RYR3: variants seen among roughly 807,000 people sequenced by gnomAD.
RYR3 encodes the protein ryanodine receptor 3.
In RYR3, 207 loss-of-function variants were observed where a neutral mutation model predicts 584.3. That is an observed-to-expected ratio of 0.35 (90% CI 0.32 to 0.40). The LOEUF (loss-of-function observed/expected upper bound fraction) is 0.40. Among genes scored for constraint, RYR3 ranks in the 10% least tolerant of loss-of-function variants. The pLI is 1.00. For missense variants in RYR3, 5,616 were observed against 6,089.2 expected (o/e 0.92, Z 2.59); for synonymous variants, 2,416 against 2,248.5 (o/e 1.07, Z -2.11).
intron 1 of RYR3, among the ~76,000 whole-genome samples, chr15:33,331,307 A>C (rs1386476517): frequency 6.6e-6 from 1 of 151,900 alleles, no homozygotes; most frequent in East Asian, 1.9e-4. Flanking sequence ...ATAGTTAAGA[A>C]GGCAAAAAAA....
At chr15:33,474,509 T>G (rs1269705882) in intron 2 of RYR3, among the ~76,000 whole-genome samples, 1 of 152,154 alleles carries the variant, frequency 6.6e-6, no homozygotes. Flanking sequence ...ATACCAAAGT[T>G]ATCAAGGCTA....
chr15:33,861,433 C>T (rs1567358518), intron 102 of RYR3, among the ~76,000 whole-genome samples: 1 of 151,910 alleles, frequency 6.6e-6, no homozygotes, highest in Non-Finnish European at 1.5e-5. Context: ...ATACCTCCAG[C>T]AATTTCTCTT....
rs528688414 is a variant in RYR3, at chr15:33,486,265, C to T, written c.171+12727C>T. ...ATTGGAAATCAAGGTGTTATCAGGG[C>T]CATGCTCCTTCCAAAGTCTCTAGGG... On this transcript the variant is annotated intron_variant, in intron 2 of 103. Transcript: ENST00000634891. Among the ~76,000 whole-genome samples the T allele has an allele frequency of 3.6e-4, 55 of 152,282 alleles. 1 individual carries two copies. The South Asian group carries it at 0.011, about 32-fold the overall frequency.
At chr15:33,542,023 G>A (rs541075534) in intron 7 of RYR3, among the ~76,000 whole-genome samples, 1 of 152,234 alleles carries the variant, frequency 6.6e-6, no homozygotes, top group South Asian at 2.1e-4. Flanking sequence ...AGGGCTTGTG[G>A]AAATTAATTA....
intron 67 of RYR3, among the ~76,000 whole-genome samples, chr15:33,789,710 C>T (rs1433619548): frequency 2.4e-5 from 2 of 85,092 alleles, no homozygotes; most frequent in African/African-American, 9.3e-5. Flanking sequence ...AGTCTCACTT[C>T]GTCACCCAGG....
intron 9 of RYR3, among the ~76,000 whole-genome samples, chr15:33,549,754 C>T (rs1257037473): frequency 2.0e-5 from 3 of 152,176 alleles, no homozygotes; most frequent in Admixed American, 6.5e-5. Flanking sequence ...GAAGATAGGA[C>T]TCTTTGTGGT....
At chr15:33,675,677 T>C (rs1178127060) in intron 38 of RYR3, among the ~76,000 whole-genome samples, 1 of 152,228 alleles carries the variant, frequency 6.6e-6, no homozygotes, top group Non-Finnish European at 1.5e-5. Flanking sequence ...TGGGTTGATA[T>C]AAGCATTACA....
intron 5 of RYR3, among the ~76,000 whole-genome samples, chr15:33,536,648 A>G (rs2055354475): frequency 2.3e-5 from 1 of 43,346 alleles, no homozygotes; most frequent in Admixed American, 2.6e-4. Flanking sequence ...CTCAGAGAAC[A>G]TTAAAGATGC....
chr15:33,649,388 C>T (rs2062320065), intron 31 of RYR3, among the ~76,000 whole-genome samples, 153 bp downstream of exon 31: 2 of 152,154 alleles, frequency 1.3e-5, no homozygotes, highest in African/African-American at 2.4e-5. Flanking sequence ...CAAACCGGTA[C>T]TATGACAGTG....
At chr15:33,808,377 T>A (rs553035364) in intron 70 of RYR3, among the ~76,000 whole-genome samples, 1 of 152,274 alleles carries the variant, frequency 6.6e-6, no homozygotes, top group South Asian at 2.1e-4. Context: ...CACATTGGAG[T>A]CATATTGCAT....
chr15:33,397,995 A>G (rs2042400229), intron 1 of RYR3, among the ~76,000 whole-genome samples: 1 of 152,084 alleles, frequency 6.6e-6, no homozygotes, highest in Non-Finnish European at 1.5e-5. Context: ...TTAGGATTTT[A>G]TTTTTAGTTT....
intron 1 of RYR3, among the ~76,000 whole-genome samples, chr15:33,435,716 T>C (rs1199236874): frequency 1.3e-5 from 2 of 152,138 alleles, no homozygotes; most frequent in Non-Finnish European, 2.9e-5. Flanking sequence ...TTCCTCCCGG[T>C]AGGTTCCTGG....
chr15:33,471,503 G>A (rs1031071271), intron 1 of RYR3, among the ~76,000 whole-genome samples: 62 of 151,866 alleles, frequency 4.1e-4, no homozygotes, highest in African/African-American at 1.5e-3. Flanking sequence ...TTGGGCGCCT[G>A]GGGGATAGAA....
intron 60 of RYR3, among the ~76,000 whole-genome samples, chr15:33,766,119 A>G (rs1277171633): frequency 6.9e-6 from 1 of 144,874 alleles, no homozygotes; most frequent in Non-Finnish European, 1.5e-5. Context: ...TGTCTCTACT[A>G]AAAAAACAAA....
chr15:33,834,873 C>T (rs1475295250), intron 86 of RYR3, 95 bp from the exon 87 acceptor site: 4 of 785,812 alleles, frequency 5.1e-6, no homozygotes, highest in Non-Finnish European at 8.3e-6. Flanking sequence ...GAAAGTCTAT[C>T]TGCTCATATA....
intron 38 of RYR3, among the ~76,000 whole-genome samples, chr15:33,686,626 AAG>A (rs2065028999): frequency 1.3e-5 from 2 of 152,184 alleles, no homozygotes. Flanking sequence ...ACAACAAAAA[AAG>A]AGAACTTTAG....
At chr15:33,494,898 A>G (rs2051284944) in intron 2 of RYR3, among the ~76,000 whole-genome samples, 1 of 152,196 alleles carries the variant, frequency 6.6e-6, no homozygotes, top group African/African-American at 2.4e-5. Flanking sequence ...CAAACAGGCA[A>G]GCTCTCTTTT....
At chr15:33,334,821 C>T (rs1368075494) in intron 1 of RYR3, among the ~76,000 whole-genome samples, 1 of 151,044 alleles carries the variant, frequency 6.6e-6, no homozygotes, top group East Asian at 2.0e-4. Context: ...GGAACTTAAA[C>T]AAATTGACAA....
At chr15:33,840,189 G>A (rs1363248583) in intron 89 of RYR3, among the ~76,000 whole-genome samples, 4 of 152,152 alleles carry the variant, frequency 2.6e-5, no homozygotes, top group Admixed American at 2.0e-4. Context: ...CAGCAGGCAC[G>A]TGAAAAGCTG....
Sources: gnomAD v4.1 joint callset for allele counts (sites outside exome capture counted in the v4.1 genomes callset) on GRCh38, gnomAD v4.1.1 for gene constraint, MANE v1.5 for transcripts, NCBI Gene and HGNC (gene_info 2026-07-23, HGNC 2026-07-21) for gene names.